STX16: variants seen among roughly 807,000 people sequenced by gnomAD.
The protein encoded by STX16 is syntaxin 16.
STX16 carries 28 observed loss-of-function variants against 42.7 expected under a neutral mutation model. The observed-to-expected ratio is 0.66, with a 90% confidence interval of 0.49 to 0.90. The LOEUF (loss-of-function observed/expected upper bound fraction) is 0.90. Ranked by LOEUF, STX16 falls within the 40% of genes least tolerant of loss-of-function variation. The probability of loss-of-function intolerance (pLI) is 0.00; values close to 1 mark genes in which losing one functional copy is unlikely to be tolerated. For missense variants in STX16, 361 were observed against 420.9 expected (o/e 0.86, Z 1.24); for synonymous variants, 156 against 155.2 (o/e 1.00, Z -0.04).
chr20:58,673,453 G>A (rs535676251), intron 7 of STX16, among the ~76,000 whole-genome samples, 178 bp from the exon 8 acceptor site: 6 of 152,194 alleles, frequency 3.9e-5, no homozygotes, highest in Admixed American at 6.5e-5. Context: ...TTCTGCCATC[G>A]AGCTCCTGAC....
Position 58,676,333 on chromosome 20 carries a change from C to CGGAG in STX16, c.*44_*45insAGGG, listed in dbSNP as rs752617023. The CGGAG allele has an allele frequency of 3.8e-6, 6 of 1,561,262 alleles. No individual in the cohort carries two copies. Among genetic ancestry groups the CGGAG allele is most frequent in the Non-Finnish European group, 5.3e-6 (6 of 1,134,132 alleles). ...GTGTGTGCCGCGCGTGTGGATCTCC[C>CGGAG]GGGTGTGAGGGGCTTGGCCTGCGCC... On this transcript the variant is annotated 3_prime_UTR_variant, in exon 9 of 9. Coordinates refer to ENST00000371141, the MANE Select transcript of STX16 (RefSeq NM_001001433.3).
At chr20:58,663,112 A>G (rs1423080270) in intron 2 of STX16, among the ~76,000 whole-genome samples, 1 of 152,200 alleles carries the variant, frequency 6.6e-6, no homozygotes, top group African/African-American at 2.4e-5. Context: ...CCAAGTGTTC[A>G]TTGCCATAGA....
In STX16 at chr20:58,651,787, AG is replaced by A. The variant is rs2083461631; in HGVS notation, c.-215del. On this transcript the variant is annotated 5_prime_UTR_variant, in exon 1 of 9. Transcript: ENST00000371141. ...TTAGAGATCGAAGTCTGCCCTGGGTAGGGGGAGTCAGACAATTGGAAAGCCT... is the reference window on the plus strand; with the variant it reads ...TTAGAGATCGAAGTCTGCCCTGGGTAGGGGAGTCAGACAATTGGAAAGCCT... The A allele has an allele frequency of 1.9e-6, 1 of 513,962 alleles. No individual in the cohort carries two copies. The highest frequency in any genetic ancestry group is 1.9e-5 in the African/African-American group (1 of 51,736). 31.8% of individuals were successfully genotyped at this position (513,962 alleles called of 1,614,324 possible).
At chr20:58,652,372 C>CG in intron 1 of STX16, 7 of 123,478 alleles carry the variant, frequency 5.7e-5, no homozygotes, top group Admixed American at 2.9e-4. Flanking sequence ...TTCCGCAGCA[C>CG]CCCCCCCCCC....
Position 58,678,147 on chromosome 20 carries a change from T to C in STX16, c.*1856T>C, listed in dbSNP as rs2084180041. ...CTCTTAGGTGTGGGGCTGTCCACAT[T>C]AGGGAACTTGCCTCAAAAACAGTCC... On this transcript the variant is annotated 3_prime_UTR_variant, in exon 9 of 9. Coordinates refer to ENST00000371141, the MANE Select transcript of STX16 (RefSeq NM_001001433.3). 1 of 152,216 alleles carries C rather than the reference T, an allele frequency of 6.6e-6. No individual in the cohort carries two copies. Among genetic ancestry groups the C allele is most frequent in the Non-Finnish European group, 1.5e-5 (1 of 68,040 alleles). 9.4% of individuals were successfully genotyped at this position (152,216 alleles called of 1,614,324 possible). A position where few individuals can be genotyped will look rare whatever the true frequency, so the allele number is the denominator to read the frequency against.
At chr20:58,658,140 A>C (rs2122918162) in intron 1 of STX16, among the ~76,000 whole-genome samples, 1 of 152,362 alleles carries the variant, frequency 6.6e-6, no homozygotes, top group South Asian at 2.1e-4. Flanking sequence ...GAGCATAGGC[A>C]CATGTGCAGC....
intron 1 of STX16, 190 bp downstream of exon 1, chr20:58,652,328 C>A (rs1199811867): frequency 5.0e-6 from 4 of 804,734 alleles, no homozygotes; most frequent in South Asian, 4.3e-5. Context: ...TGCTGTGAGG[C>A]CGCAGCTCCA....
In STX16 at chr20:58,677,838, C is replaced by T. The variant is rs532426531; in HGVS notation, c.*1547C>T. On this transcript the variant is annotated 3_prime_UTR_variant, in exon 9 of 9. Coordinates refer to ENST00000371141, the MANE Select transcript of STX16 (RefSeq NM_001001433.3). ...TGTCCAAACCCCTGCCCAGCCTTCC[C>T]TTTCCAAGTTGGTGCCACCTCCAGG... is the stretch of plus-strand genomic sequence containing the variant. 6.6e-6 allele frequency: 1 copy of T among 152,386 alleles called. No individual in the cohort carries two copies. Among genetic ancestry groups the T allele is most frequent in the East Asian group, 1.9e-4 (1 of 5,182 alleles). The allele number at this position is 152,386 out of a possible 1,614,324, so 9.4% of individuals were successfully genotyped here. A position where few individuals can be genotyped will look rare whatever the true frequency, so the allele number is the denominator to read the frequency against.
chr20:58,671,321 G>C (rs765198026), intron 7 of STX16, 24 bp downstream of exon 7: 2 of 1,586,166 alleles, frequency 1.3e-6, no homozygotes, highest in South Asian at 2.3e-5. Flanking sequence ...CCTTCCTCGT[G>C]AATAGGTTTT....
intron 1 of STX16, 160 bp downstream of exon 1, chr20:58,652,298 C>T: frequency 9.2e-7 from 1 of 1,089,368 alleles, no homozygotes; most frequent in South Asian, 1.3e-5. Context: ...CATCTGTAGC[C>T]CTGGATGAGG....
intron 4 of STX16, among the ~76,000 whole-genome samples, chr20:58,668,601 T>A (rs2083896638): frequency 6.6e-6 from 1 of 151,850 alleles, no homozygotes; most frequent in African/African-American, 2.4e-5. Flanking sequence ...GGGTGCTAAT[T>A]ATCAGAGGAG....
At chr20:58,662,382 T>G (rs2083720505) in intron 2 of STX16, among the ~76,000 whole-genome samples, 1 of 152,218 alleles carries the variant, frequency 6.6e-6, no homozygotes, top group African/African-American at 2.4e-5. Flanking sequence ...AGGGACGGAT[T>G]GCTCCCCTCC....
rs1555838395 is a variant in STX16, at chr20:58,652,377, C to CCT, written c.132+240_132+241insTC. On this transcript the variant is annotated intron_variant, in intron 1 of 8. Transcript: ENST00000371141. ...TTCTCCTCACTTCCGCAGCACCCCC[C>CCT]CCCCCGCACCCCCCGCCTTGGCGTC... 4 of 586,116 alleles carry CCT rather than the reference C, an allele frequency of 6.8e-6. No individual in the cohort carries two copies. The African/African-American group carries it at 7.6e-5, about 11-fold the overall frequency. 36.3% of individuals were successfully genotyped at this position (586,116 alleles called of 1,614,324 possible). A position where few individuals can be genotyped will look rare whatever the true frequency, so the allele number is the denominator to read the frequency against.
intron 1 of STX16, among the ~76,000 whole-genome samples, chr20:58,655,462 T>A (rs2122900922): frequency 6.6e-6 from 1 of 152,230 alleles, no homozygotes; most frequent in Middle Eastern, 3.4e-3. Context: ...TAAACAGGAA[T>A]TTAAGGAGGA....
In STX16 at chr20:58,668,498, A is replaced by G. The variant is rs866570322; in HGVS notation, c.393+371A>G. Among the ~76,000 whole-genome samples, 212 of 152,338 alleles carry G rather than the reference A, an allele frequency of 1.4e-3. 2 individuals are homozygous for G. The highest frequency in any genetic ancestry group is 2.4e-3 in the Admixed American group (36 of 15,304). ...TGAAAAAACAACTTAGTATCCTAGAAAAAATTTTTTATAAATATTAAATTT... is the reference window on the plus strand; with the variant it reads ...TGAAAAAACAACTTAGTATCCTAGAGAAAATTTTTTATAAATATTAAATTT... On this transcript the variant is annotated intron_variant, in intron 4 of 8. Transcript: ENST00000371141.
intron 4 of STX16, among the ~76,000 whole-genome samples, 190 bp downstream of exon 4, chr20:58,668,317 C>T (rs1016702425): frequency 6.6e-6 from 1 of 152,202 alleles, no homozygotes; most frequent in African/African-American, 2.4e-5. Context: ...GGTATGGGGA[C>T]TGTTTTTCAA....
Position 58,667,967 on chromosome 20 carries a change from C to G in STX16, c.253-20C>G. ...TAGCCTGCCTGGCATCAGTGGAGTT[C>G]TGTGACTTCATTTGCTTAGATTCAG... On this transcript the variant is annotated intron_variant, in intron 3 of 8. Coordinates refer to ENST00000371141, the MANE Select transcript of STX16 (RefSeq NM_001001433.3). 1 of 1,614,120 alleles carries G rather than the reference C, an allele frequency of 6.2e-7. No individual in the cohort carries two copies. The highest frequency in any genetic ancestry group is 1.3e-5 in the African/African-American group (1 of 75,068).
At chr20:58,666,312 A>G (rs1173826875) in intron 2 of STX16, among the ~76,000 whole-genome samples, 1 of 151,956 alleles carries the variant, frequency 6.6e-6, no homozygotes. Flanking sequence ...AAAAATTCTG[A>G]GCTCTGGAGG....
At chr20:58,672,061 G>A (rs1017396983) in intron 7 of STX16, among the ~76,000 whole-genome samples, 14 of 152,192 alleles carry the variant, frequency 9.2e-5, no homozygotes, top group African/African-American at 1.9e-4. Flanking sequence ...GGCCGGGCAC[G>A]GTGGCTCACA....
Sources: allele counts gnomAD v4.1 joint callset (sites outside exome capture counted in the v4.1 genomes callset), GRCh38; gene constraint gnomAD v4.1.1; transcripts MANE v1.5; gene names NCBI Gene and HGNC (gene_info 2026-07-23, HGNC 2026-07-21).